The following PDE4D variants were observed in gnomAD, a reference collection of about 807,000 sequenced individuals.
PDE4D encodes 3',5'-cyclic-AMP phosphodiesterase 4D.
Under a neutral mutation model 87.4 loss-of-function variants are expected in PDE4D, and 24 were observed. The ratio of observed to expected loss-of-function variants is 0.27; its 90% CI spans 0.20 to 0.39. The LOEUF is 0.39. PDE4D is among the 10% of genes least tolerant of loss of function. PDE4D has a pLI of 1.00. For missense variants in PDE4D, 714 were observed against 1,041.0 expected, an observed-to-expected ratio of 0.69 and a Z score of 4.32; for synonymous variants, 384 against 383.2, an observed-to-expected ratio of 1.00 and a Z score of -0.02.
At chr5:59,826,508 CT>C (rs34797123) in intron 1 of PDE4D, among the ~76,000 whole-genome samples, 35 of 149,460 alleles carry the variant, frequency 2.3e-4, no homozygotes, top group Middle Eastern at 6.8e-3. Context: ...AAATCGAGAA[CT>C]TTTTTTTTTT....
At chr5:59,275,686 T>A in intron 1 of PDE4D, 1 of 1,115,876 alleles carries the variant, frequency 9.0e-7, no homozygotes, top group Non-Finnish European at 1.1e-6. Flanking sequence ...GGAACTGAAT[T>A]CTGAATTGAT....
intron 5 of PDE4D, among the ~76,000 whole-genome samples, chr5:59,119,672 G>A (rs771000609): frequency 3.3e-5 from 5 of 152,136 alleles, no homozygotes; most frequent in Non-Finnish European, 5.9e-5. Context: ...GAGTCCTGCT[G>A]TGCATCTTGA....
At chr5:60,025,759 A>C (rs77197907) in intron 2 of PDE4D, among the ~76,000 whole-genome samples, 3,197 of 152,104 alleles carry the variant, frequency 0.021, 93 homozygotes, top group African/African-American at 0.074. Flanking sequence ...TTTAAAAAAA[A>C]CCCTAAATAT....
intron 2 of PDE4D, among the ~76,000 whole-genome samples, chr5:60,057,897 T>C (rs577812475): frequency 4.0e-4 from 61 of 152,168 alleles, no homozygotes; most frequent in African/African-American, 1.4e-3. Context: ...TAACATCTGA[T>C]ATATATACCA....
intron 5 of PDE4D, among the ~76,000 whole-genome samples, chr5:59,147,114 A>G (rs1230802405): frequency 6.6e-6 from 1 of 151,906 alleles, no homozygotes; most frequent in Non-Finnish European, 1.5e-5. Flanking sequence ...CCCAAAACCA[A>G]CCCCTCTCCC....
Position 59,565,585 on chromosome 5 carries a change from T to C in PDE4D, c.455+327583A>G, listed in dbSNP as rs547436313. Among the ~76,000 whole-genome samples, 10 of 151,952 alleles carry C rather than the reference T, an allele frequency of 6.6e-5. No homozygotes were observed. In the East Asian group the frequency reaches 1.9e-3, roughly 29 times the overall value. ...TACTGCATGGAGCCCAGAGGAGAAA[T>C]AGTTGCAGCATCACTGGGAGGTGTG... is the stretch of plus-strand genomic sequence containing the variant. On this transcript the variant is annotated intron_variant, in intron 1 of 14. Coordinates refer to ENST00000340635, the MANE Select transcript of PDE4D (RefSeq NM_001104631.2).
chr5:59,697,704 G>A (rs967277634), intron 1 of PDE4D, among the ~76,000 whole-genome samples: 5 of 152,192 alleles, frequency 3.3e-5, no homozygotes, highest in African/African-American at 1.2e-4. Flanking sequence ...TCAGTCAAGT[G>A]TCAGGCAACC....
At chr5:59,393,732 G>C (rs958232064) in intron 1 of PDE4D, among the ~76,000 whole-genome samples, 2 of 152,190 alleles carry the variant, frequency 1.3e-5, no homozygotes, top group Non-Finnish European at 2.9e-5. Flanking sequence ...TAAAGGACTT[G>C]TTATTTTTGG....
rs192403319 is a variant in PDE4D, at chr5:60,152,288, C to A, written c.42+33269G>T. The stretch of plus-strand genomic sequence containing the variant: ...CCTTAAAATGAATTTGGAAGTGTTC[C>A]CTCTTCTTCATTTTTTGGGAAGAGT... On this transcript the variant is annotated intron_variant, in intron 2 of 16. Transcript: ENST00000502484. 4.2e-3 allele frequency among the ~76,000 whole-genome samples: 637 copies of A among 152,040 alleles called. 4 individuals are homozygous for A. Among genetic ancestry groups the A allele is most frequent in the Admixed American group, 6.5e-3 (100 of 15,276 alleles).
chr5:59,768,112 G>C, intron 1 of PDE4D: 2 of 1,095,466 alleles, frequency 1.8e-6, no homozygotes, highest in Non-Finnish European at 2.6e-6. Flanking sequence ...ATGGTTAAGG[G>C]AGATCACTTG....
At chr5:59,917,836 A>G (rs964008784) in intron 3 of PDE4D, among the ~76,000 whole-genome samples, 3 of 152,134 alleles carry the variant, frequency 2.0e-5, no homozygotes, top group African/African-American at 7.2e-5. Context: ...TCTTGTCAAT[A>G]TCTTTATAGA....
intron 3 of PDE4D, among the ~76,000 whole-genome samples, chr5:59,961,038 G>A (rs1759410873): frequency 1.3e-5 from 2 of 151,990 alleles, no homozygotes; most frequent in Non-Finnish European, 1.5e-5. Context: ...CCAGGCTCTG[G>A]TCTATGTGCT....
chr5:60,357,575 A>G (rs571719386), intron 1 of PDE4D, among the ~76,000 whole-genome samples: 1 of 152,266 alleles, frequency 6.6e-6, no homozygotes, highest in African/African-American at 2.4e-5. Flanking sequence ...CATTTCAAAG[A>G]CTAAACTTTT....
At chr5:59,572,641 C>A (rs1583174728) in intron 1 of PDE4D, among the ~76,000 whole-genome samples, 1 of 152,128 alleles carries the variant, frequency 6.6e-6, no homozygotes, top group African/African-American at 2.4e-5. Flanking sequence ...CCACCACGCC[C>A]AGCTAATTTT....
chr5:60,309,042 T>C (rs1225020829), intron 1 of PDE4D, among the ~76,000 whole-genome samples: 1 of 152,184 alleles, frequency 6.6e-6, no homozygotes, highest in Non-Finnish European at 1.5e-5. Flanking sequence ...TAAAAGTACA[T>C]GGCTTTCTGC....
intron 2 of PDE4D, among the ~76,000 whole-genome samples, chr5:60,079,502 G>A (rs1773700041): frequency 1.3e-5 from 2 of 152,160 alleles, no homozygotes; most frequent in South Asian, 4.1e-4. Context: ...TGTTTTTATT[G>A]TTTTGGGTTT....
intron 1 of PDE4D, among the ~76,000 whole-genome samples, chr5:59,658,695 G>T (rs910225322): frequency 1.3e-5 from 2 of 152,196 alleles, no homozygotes; most frequent in Non-Finnish European, 2.9e-5. Flanking sequence ...GCAATTGGGT[G>T]TTTGATGTTG....
intron 1 of PDE4D, among the ~76,000 whole-genome samples, chr5:60,459,389 T>C (rs1452660151): frequency 6.6e-6 from 1 of 152,104 alleles, no homozygotes; most frequent in Non-Finnish European, 1.5e-5. Context: ...TGTTTTTTAG[T>C]TTTTTTCTTT....
intron 2 of PDE4D, among the ~76,000 whole-genome samples, chr5:60,112,648 A>G (rs952075790): frequency 7.9e-5 from 12 of 152,054 alleles, no homozygotes; most frequent in East Asian, 1.9e-4. Flanking sequence ...TAACTAAGAA[A>G]TGTTACTTTG....
Sources: gnomAD v4.1 joint callset for allele counts (sites outside exome capture counted in the v4.1 genomes callset) on GRCh38, gnomAD v4.1.1 for gene constraint, MANE v1.5 for transcripts, NCBI Gene and HGNC (gene_info 2026-07-23, HGNC 2026-07-21) for gene names.